LGR5: variants seen among roughly 807,000 people sequenced by gnomAD.
The protein encoded by LGR5 is leucine rich repeat containing G protein-coupled receptor 5.
In LGR5, 54 loss-of-function variants were observed where a neutral mutation model predicts 76.7. The observed-to-expected ratio is 0.70, with a 90% confidence interval of 0.57 to 0.88. The LOEUF is 0.88. Among genes scored for constraint, LGR5 ranks in the 40% least tolerant of loss-of-function variants. The probability of loss-of-function intolerance (pLI) is 0.00; values close to 1 mark genes in which losing one functional copy is unlikely to be tolerated. For synonymous variants in LGR5, 406 were observed against 421.9 expected, an observed-to-expected ratio of 0.96 and a Z score of 0.46; for missense variants, 1,078 against 1,073.3, an observed-to-expected ratio of 1.00 and a Z score of -0.06.
chr12:71,464,353 C>G (rs1341002032), intron 1 of LGR5, among the ~76,000 whole-genome samples: 1 of 152,158 alleles, frequency 6.6e-6, no homozygotes, highest in African/African-American at 2.4e-5. Flanking sequence ...TGTATGTCCA[C>G]ATATTTATCA....
At chr12:71,549,020 A>G (rs1877341927) in intron 4 of LGR5, among the ~76,000 whole-genome samples, 1 of 152,186 alleles carries the variant, frequency 6.6e-6, no homozygotes, top group Non-Finnish European at 1.5e-5. Flanking sequence ...GACTGTTAAA[A>G]TATTGCATTT....
At chr12:71,555,696 T>C (rs1877724644) in intron 5 of LGR5, among the ~76,000 whole-genome samples, 1 of 152,224 alleles carries the variant, frequency 6.6e-6, no homozygotes, top group South Asian at 2.1e-4. Flanking sequence ...AAAGCCATGC[T>C]GAACAAACTA....
chr12:71,570,900 G>T (rs1284361215), intron 11 of LGR5, among the ~76,000 whole-genome samples: 6 of 152,046 alleles, frequency 3.9e-5, no homozygotes, highest in Non-Finnish European at 5.9e-5. Context: ...TCTATGTTAC[G>T]TTATCTACCA....
intron 1 of LGR5, among the ~76,000 whole-genome samples, chr12:71,482,763 G>A (rs1209751900): frequency 6.6e-6 from 1 of 152,140 alleles, no homozygotes; most frequent in African/African-American, 2.4e-5. Context: ...TATCAATAGT[G>A]TCAAGACTGG....
chr12:71,508,006 T>C (rs1409991422), intron 2 of LGR5, among the ~76,000 whole-genome samples: 1 of 149,888 alleles, frequency 6.7e-6, no homozygotes, highest in Non-Finnish European at 1.5e-5. Flanking sequence ...AGATCACGAG[T>C]TCAGGAGATC....
At chr12:71,522,476 T>C (rs1228711889) in intron 2 of LGR5, among the ~76,000 whole-genome samples, 2 of 152,242 alleles carry the variant, frequency 1.3e-5, no homozygotes, top group African/African-American at 4.8e-5. Flanking sequence ...ATGCTTAGGC[T>C]AGCAGCTCTC....
At chr12:71,496,145 G>T (rs1775808695) in intron 1 of LGR5, among the ~76,000 whole-genome samples, 1 of 152,174 alleles carries the variant, frequency 6.6e-6, no homozygotes, top group African/African-American at 2.4e-5. Context: ...GCCAAGGCAG[G>T]CAGATCACCA....
intron 13 of LGR5, among the ~76,000 whole-genome samples, chr12:71,573,428 T>C (rs1205905976): frequency 1.3e-5 from 2 of 152,236 alleles, no homozygotes; most frequent in Non-Finnish European, 2.9e-5. Context: ...ACACTAAGGT[T>C]TGAACACAGC....
chr12:71,477,038 T>C lies in LGR5; in HGVS notation c.213-27576T>C, dbSNP rs528613482. 1.2e-4 allele frequency among the ~76,000 whole-genome samples: 18 copies of C among 152,086 alleles called. No individual in the cohort carries two copies. The South Asian group carries it at 3.7e-3, about 32-fold the overall frequency. On this transcript the variant is annotated intron_variant, in intron 1 of 17. Coordinates refer to ENST00000266674, the MANE Select transcript of LGR5 (RefSeq NM_003667.4). ...ATAGTAGACAGGTACATTAACAAAT[T>C]TGTGAAATGTCTTAAGAGAAAATGA...
At chr12:71,568,719 C>T (rs1287423832) in intron 11 of LGR5, among the ~76,000 whole-genome samples, 2 of 152,146 alleles carry the variant, frequency 1.3e-5, no homozygotes, top group Non-Finnish European at 2.9e-5. Context: ...ACTAGAACCC[C>T]AGAGCCTCAC....
At chr12:71,538,727 G>T (rs1321817636) in intron 4 of LGR5, among the ~76,000 whole-genome samples, 2 of 151,492 alleles carry the variant, frequency 1.3e-5, no homozygotes, top group African/African-American at 2.4e-5. Flanking sequence ...GGCGTCATGT[G>T]CATGACTGTA....
rs538459408 is a variant in LGR5 at position 71,584,834 on chromosome 12, C to T, written c.*100C>T. 128 of 1,341,616 alleles carry T rather than the reference C, an allele frequency of 9.5e-5. No individual in the cohort carries two copies. In the South Asian group the frequency reaches 1.6e-3, roughly 17 times the overall value. The allele number at this position is 1,341,616 out of a possible 1,614,324, so 83.1% of individuals were successfully genotyped here. ...TAATAAGAAGAGCTGAGGTGAAACT[C>T]GGTTTAAAAACCAAAAAAGAATCTC... On this transcript the variant is annotated 3_prime_UTR_variant, in exon 18 of 18. Coordinates refer to ENST00000266674, the MANE Select transcript of LGR5 (RefSeq NM_003667.4).
chr12:71,475,990 T>C (rs1873316788), intron 1 of LGR5, among the ~76,000 whole-genome samples: 1 of 152,274 alleles, frequency 6.6e-6, no homozygotes, highest in South Asian at 2.1e-4. Context: ...ATCACTGATA[T>C]GTTGGGGATT....
At position 71,577,879 on chromosome 12, in the gene LGR5, G is replaced by A. The variant is rs549620036; in HGVS notation, c.1209-46G>A. ...AAATGCATATGATAAAACTTCACAT[G>A]TTCTTTATTCTATATAATTCTCTCA... On this transcript the variant is annotated intron_variant, in intron 13 of 17. Coordinates refer to ENST00000266674, the MANE Select transcript of LGR5 (RefSeq NM_003667.4). The A allele has an allele frequency of 5.5e-5, 70 of 1,267,562 alleles. 1 individual carries two copies. The East Asian group carries it at 1.5e-3, about 28-fold the overall frequency. 78.5% of individuals were successfully genotyped at this position (1,267,562 alleles called of 1,614,324 possible).
At chr12:71,571,719 T>G in intron 12 of LGR5, 140 bp downstream of exon 12, 1 of 605,712 alleles carries the variant, frequency 1.7e-6, no homozygotes. Context: ...AAGGTGTGAC[T>G]GTGCAGTGTG....
chr12:71,451,413 C>T (rs1279959853), intron 1 of LGR5, among the ~76,000 whole-genome samples: 1 of 152,196 alleles, frequency 6.6e-6, no homozygotes, highest in South Asian at 2.1e-4. Flanking sequence ...GCTCTCTTCT[C>T]TCCAGCCATT....
intron 4 of LGR5, among the ~76,000 whole-genome samples, chr12:71,542,824 CT>C (rs1237009398): frequency 6.6e-6 from 1 of 151,074 alleles, no homozygotes; most frequent in Admixed American, 6.6e-5. Context: ...GGAGGAACAA[CT>C]AAGTAGAGAT....
intron 1 of LGR5, among the ~76,000 whole-genome samples, chr12:71,453,842 G>A (rs1872350614): frequency 6.6e-6 from 1 of 151,990 alleles, no homozygotes; most frequent in African/African-American, 2.4e-5. Context: ...ACTCATCTTT[G>A]ATAAGAAGCA....
intron 2 of LGR5, among the ~76,000 whole-genome samples, chr12:71,510,575 C>G (rs185765105): frequency 1.3e-5 from 2 of 151,724 alleles, no homozygotes; most frequent in African/African-American, 2.4e-5. Flanking sequence ...AGAGCAAATA[C>G]GACTTGCTGT....
Sources: allele counts gnomAD v4.1 joint callset (sites outside exome capture counted in the v4.1 genomes callset), GRCh38; gene constraint gnomAD v4.1.1; transcripts MANE v1.5; gene names NCBI Gene and HGNC (gene_info 2026-07-23, HGNC 2026-07-21).